UGT1A10: variants seen among roughly 807,000 people sequenced by gnomAD.
UGT1A10 encodes the protein UDP-glucuronosyltransferase 1A10.
Under a neutral mutation model 45.8 loss-of-function variants are expected in UGT1A10, and 49 were observed. The ratio of observed to expected loss-of-function variants is 1.07; its 90% confidence interval spans 0.85 to 1.36. The LOEUF (loss-of-function observed/expected upper bound fraction) is 1.36, where lower values mean the gene tolerates loss of function less well. Among genes scored for constraint, UGT1A10 ranks in the 40% most tolerant of loss-of-function variants. The pLI is 0.00. For synonymous variants in UGT1A10, 284 were observed against 249.7 expected (o/e 1.14, Z -1.29); for missense variants, 745 against 668.6 (o/e 1.11, Z -1.26).
intron 1 of UGT1A10, chr2:233,648,669 T>A (rs2073664657): frequency 3.2e-6 from 1 of 308,978 alleles, no homozygotes; most frequent in African/African-American, 2.2e-5. Flanking sequence ...TTTCACCGTG[T>A]TAGCCAGGAT....
intron 1 of UGT1A10, chr2:233,748,092 G>A (rs1693863465): frequency 6.2e-7 from 1 of 1,612,734 alleles, no homozygotes; most frequent in Non-Finnish European, 8.5e-7. Flanking sequence ...CGGTGTTCGT[G>A]CCTTCATCCA....
chr2:233,656,353 G>A (rs959069106), intron 1 of UGT1A10, among the ~76,000 whole-genome samples: 107 of 152,198 alleles, frequency 7.0e-4, no homozygotes, highest in Middle Eastern at 3.2e-3. Flanking sequence ...TTCTTACCAG[G>A]AGAAAGTTAC....
chr2:233,752,847 A>C (rs1252913320), intron 1 of UGT1A10, among the ~76,000 whole-genome samples: 1 of 152,248 alleles, frequency 6.6e-6, no homozygotes, highest in East Asian at 1.9e-4. Context: ...GATATATCAA[A>C]ATTTGAACTT....
At chr2:233,733,359 G>T (rs892320976) in intron 1 of UGT1A10, among the ~76,000 whole-genome samples, 1 of 152,164 alleles carries the variant, frequency 6.6e-6, no homozygotes, top group Non-Finnish European at 1.5e-5. Flanking sequence ...AGTAGGAGTG[G>T]TGAGAGAGGT....
intron 1 of UGT1A10, among the ~76,000 whole-genome samples, chr2:233,711,664 A>G (rs527821361): frequency 2.0e-5 from 3 of 152,284 alleles, no homozygotes; most frequent in Admixed American, 6.5e-5. Context: ...GGTGGAATCT[A>G]TTATCAATGT....
At chr2:233,690,540 C>G (rs1233166297) in intron 1 of UGT1A10, 1 of 1,289,760 alleles carries the variant, frequency 7.8e-7, no homozygotes, top group East Asian at 5.6e-5. Flanking sequence ...TTTCACCCCA[C>G]TGGAATATGT....
At chr2:233,765,565 G>A (rs1156273508) in intron 1 of UGT1A10, among the ~76,000 whole-genome samples, 1 of 152,072 alleles carries the variant, frequency 6.6e-6, no homozygotes, top group Non-Finnish European at 1.5e-5. Context: ...GTGAGAATGC[G>A]TAGACGCAGG....
rs577222239 is a variant in UGT1A10, at chr2:233,651,769, G to A, written c.855+14392G>A. On this transcript the variant is annotated intron_variant, in intron 1 of 4. Transcript: ENST00000344644. ...TGAGAAGGAAGCATCACTTGATGGAGTGTGCATCTGTGCCTGTGTGTGTCC... is the reference window on the plus strand; with the variant it reads ...TGAGAAGGAAGCATCACTTGATGGAATGTGCATCTGTGCCTGTGTGTGTCC... 2.0e-5 allele frequency among the ~76,000 whole-genome samples: 3 copies of A among 152,326 alleles called. No individual in the cohort carries two copies. In the East Asian group the frequency reaches 5.8e-4, roughly 29 times the overall value.
intron 1 of UGT1A10, among the ~76,000 whole-genome samples, chr2:233,679,076 C>A (rs1041431725): frequency 3.3e-5 from 5 of 152,300 alleles, no homozygotes; most frequent in African/African-American, 9.6e-5. Flanking sequence ...GTATTGACAA[C>A]CTTTTCCATA....
intron 1 of UGT1A10, among the ~76,000 whole-genome samples, chr2:233,680,159 T>C (rs2074477014): frequency 6.6e-6 from 1 of 152,226 alleles, no homozygotes. Flanking sequence ...GGTAATGTCA[T>C]GATTTTTCTT....
At chr2:233,714,903 G>C (rs139111844) in intron 1 of UGT1A10, among the ~76,000 whole-genome samples, 10 of 136,076 alleles carry the variant, frequency 7.3e-5, no homozygotes, top group African/African-American at 2.4e-4. Context: ...TTGAGATGGA[G>C]TCTTGCTCTG....
rs773383083 is a variant in UGT1A10, at chr2:233,761,070, G to A, written c.856-5964G>A. 1.4e-5 allele frequency: 23 copies of A among 1,614,070 alleles called. No individual in the cohort carries two copies. The East Asian group carries it at 4.5e-4, about 31-fold the overall frequency. On this transcript the variant is annotated intron_variant, in intron 1 of 4. Transcript: ENST00000344644. ...TCTGGCTGTTTAGAAGTGACTTTGT[G>A]AAGGATTACCCTAGGCCCATCATGC...
intron 1 of UGT1A10, among the ~76,000 whole-genome samples, chr2:233,686,733 C>G (rs978892759): frequency 6.6e-6 from 1 of 152,248 alleles, no homozygotes; most frequent in African/African-American, 2.4e-5. Flanking sequence ...AGGTCAACCT[C>G]TTGCCTTCCC....
intron 1 of UGT1A10, chr2:233,691,054 G>A (rs1435812829): frequency 1.5e-5 from 15 of 987,344 alleles, no homozygotes; most frequent in African/African-American, 3.5e-5. Flanking sequence ...GCAGAGTGGA[G>A]GTCTAGTATA....
chr2:233,767,286 C>G, intron 2 of UGT1A10, 121 bp downstream of exon 2: 1 of 1,568,700 alleles, frequency 6.4e-7, no homozygotes, highest in African/African-American at 1.4e-5. Context: ...CCTGCCACTT[C>G]CCAACTATTA....
chr2:233,742,223 A>G (rs1691912162), intron 1 of UGT1A10, among the ~76,000 whole-genome samples: 1 of 151,938 alleles, frequency 6.6e-6, no homozygotes, highest in South Asian at 2.1e-4. Flanking sequence ...CAGGGCTGAG[A>G]GCCCCAAACA....
intron 1 of UGT1A10, chr2:233,755,708 G>A (rs6747843): frequency 0.3 from 46,013 of 153,542 alleles, 7,045 homozygotes; most frequent in South Asian, 0.39. Context: ...AAGACATCCT[G>A]TTGTTTAGGA....
intron 1 of UGT1A10, among the ~76,000 whole-genome samples, chr2:233,720,845 G>A (rs1182683135): frequency 1.3e-5 from 2 of 150,558 alleles, no homozygotes; most frequent in African/African-American, 2.5e-5. Flanking sequence ...AACTGGGACT[G>A]CAGGCATGTG....
chr2:233,755,144 C>T (rs1040517387), intron 1 of UGT1A10: 11 of 1,304,848 alleles, frequency 8.4e-6, no homozygotes, highest in African/African-American at 7.5e-5. Flanking sequence ...ATCTTCTCAC[C>T]GCTTCCTCCC....
Sources: gnomAD v4.1 joint callset for allele counts (sites outside exome capture counted in the v4.1 genomes callset) on GRCh38, gnomAD v4.1.1 for gene constraint, MANE v1.5 for transcripts, NCBI Gene and HGNC (gene_info 2026-07-23, HGNC 2026-07-21) for gene names.